ZDHHC5: variants seen among roughly 807,000 people sequenced by gnomAD.
ZDHHC5 encodes the protein palmitoyltransferase ZDHHC5.
ZDHHC5 carries 22 observed loss-of-function variants against 70.0 expected under a neutral mutation model. The ratio of observed to expected loss-of-function variants is 0.31; its 90% CI spans 0.22 to 0.45. ZDHHC5 has a LOEUF of 0.45. ZDHHC5 is among the 20% of genes least tolerant of loss of function. ZDHHC5 has a pLI of 1.00. For synonymous variants in ZDHHC5, 313 were observed against 347.8 expected (o/e 0.90, Z 1.11); for missense variants, 746 against 926.9 (o/e 0.80, Z 2.53).
At chr11:57,683,089 G>A (rs1946167899) in intron 3 of ZDHHC5, among the ~76,000 whole-genome samples, 1 of 152,190 alleles carries the variant, frequency 6.6e-6, no homozygotes, top group African/African-American at 2.4e-5. Context: ...TTAGGCAGAG[G>A]AAACAGCACA....
chr11:57,699,322 C>G lies in ZDHHC5; in HGVS notation c.1886C>G (p.Pro629Arg), dbSNP rs954582935. ...VGSPEPGPTA[P>R]YLGRSMSYSS... Reference sequence around the variant, plus strand: ...TCCCCTGAACCAGGCCCAACAGCCCCATACCTGGGCCGATCGATGTCTTAC... The same window carrying G: ...TCCCCTGAACCAGGCCCAACAGCCCGATACCTGGGCCGATCGATGTCTTAC... Residue 629 changes from proline (P) to arginine (R), a missense_variant, in exon 11 of 12, where the codon CCA (proline) becomes CGA (arginine). Transcript: ENST00000287169. 1 of 1,613,616 alleles carries G rather than the reference C, an allele frequency of 6.2e-7. No homozygotes were observed. The highest frequency in any genetic ancestry group is 8.5e-7 in the Non-Finnish European group (1 of 1,179,600).
At position 57,682,508 on chromosome 11, in the gene ZDHHC5, T is replaced by G. The variant is rs1946161559; in HGVS notation, c.191T>G (p.Met64Arg). The change falls in exon 3 of 12, where the codon ATG becomes AGG. Residue 64 changes from methionine (M) to arginine (R), a missense_variant. Met to Arg is a moderately conservative substitution (Grantham distance 91). Coordinates refer to ENST00000287169, the MANE Select transcript of ZDHHC5 (RefSeq NM_015457.3). The stretch of plus-strand genomic sequence containing the variant: ...CTCTTTGTGTTGGCCAACTTCAGCA[T>G]GGCCACCTTCATGGACCCAGGGATT... ...MFLFVLANFS[M>R]ATFMDPGIFP... 6.2e-7 allele frequency: 1 copy of G among 1,614,054 alleles called. No homozygotes were observed. The highest frequency in any genetic ancestry group is 1.3e-5 in the African/African-American group (1 of 74,944).
intron 2 of ZDHHC5, among the ~76,000 whole-genome samples, chr11:57,678,739 C>G (rs1946107869): frequency 6.6e-6 from 1 of 151,962 alleles, no homozygotes; most frequent in Admixed American, 6.6e-5. Context: ...GTCAGCTGGT[C>G]ATGGTGGCAT....
chr11:57,689,946 A>T, intron 4 of ZDHHC5, 85 bp from the exon 5 acceptor site: 1 of 1,462,768 alleles, frequency 6.8e-7, no homozygotes, highest in Non-Finnish European at 9.3e-7. Context: ...ATCAAAACTT[A>T]GCTGCCATTT....
In ZDHHC5 at chr11:57,699,065, T is replaced by C; in HGVS notation, c.1629T>C (p.Ser543=). The change falls in exon 11 of 12, where the codon TCT becomes TCC. Residue 543 remains serine (S), a synonymous_variant. Transcript: ENST00000287169. ...ATCTGTCGCGCCACATTGTGGCCTC[T>C]CTCCAGGAACGAGAGAAGTTGCTGC... is the stretch of plus-strand genomic sequence containing the variant. ...YDNLSRHIVA[S]LQEREKLLRQ... 2 of 1,613,058 alleles carry C rather than the reference T, an allele frequency of 1.2e-6. No homozygotes were observed. Among genetic ancestry groups the C allele is most frequent in the African/African-American group, 2.7e-5 (2 of 74,836 alleles).
At chr11:57,673,241 G>A in intron 2 of ZDHHC5, 47 bp downstream of exon 2, 1 of 1,578,384 alleles carries the variant, frequency 6.3e-7, no homozygotes, top group Non-Finnish European at 8.7e-7. Flanking sequence ...GATACTCCAT[G>A]GGAAGTGAGG....
At position 57,699,414 on chromosome 11, in the gene ZDHHC5, C is replaced by T; in HGVS notation, c.1978C>T (p.Pro660Ser). The part of the protein sequence containing the change: ...EEVALQPLLT[P>S]KDEVQLKTTY... ...AGTGGCCTTGCAGCCATTACTGACA[C>T]CCAAGTAAGTATTAGTACTATCCTG... Residue 660 changes from proline (P) to serine (S), a missense_variant, in exon 11 of 12, where the codon CCC (proline) becomes TCC (serine). Pro to Ser is a moderately conservative substitution (Grantham distance 74). Around this residue, in one of 6 missense-constraint regions of ZDHHC5, gnomAD observed 340 missense variants for 350.1 expected, o/e 0.97. Coordinates refer to ENST00000287169, the MANE Select transcript of ZDHHC5 (RefSeq NM_015457.3). 1.3e-6 allele frequency: 2 copies of T among 1,567,502 alleles called. No individual in the cohort carries two copies. Among genetic ancestry groups the T allele is most frequent in the South Asian group, 2.4e-5 (2 of 83,412 alleles).
intron 10 of ZDHHC5, 127 bp downstream of exon 10, chr11:57,697,000 T>G (rs1946361530): frequency 1.1e-6 from 1 of 932,574 alleles, no homozygotes; most frequent in Admixed American, 2.2e-5. Context: ...ATTGAGACCG[T>G]CCTGGCCAAC....
chr11:57,668,970 T>G (rs1945964380), intron 1 of ZDHHC5, among the ~76,000 whole-genome samples: 1 of 152,196 alleles, frequency 6.6e-6, no homozygotes, highest in Non-Finnish European at 1.5e-5. Context: ...CTAGACTATT[T>G]TTTGCCTTGG....
At chr11:57,668,787 A>G (rs1249444962) in intron 1 of ZDHHC5, among the ~76,000 whole-genome samples, 2 of 152,180 alleles carry the variant, frequency 1.3e-5, no homozygotes, top group Non-Finnish European at 2.9e-5. Context: ...TGCGTTTAGT[A>G]CTTTGTACTT....
At chr11:57,693,399 C>T (rs1042529525) in intron 7 of ZDHHC5, among the ~76,000 whole-genome samples, 1 of 152,188 alleles carries the variant, frequency 6.6e-6, no homozygotes, top group Non-Finnish European at 1.5e-5. Flanking sequence ...CCACTGCTTA[C>T]CTCCTGCTAT....
chr11:57,674,346 C>A (rs1946045154), intron 2 of ZDHHC5, among the ~76,000 whole-genome samples: 1 of 148,696 alleles, frequency 6.7e-6, no homozygotes, highest in Middle Eastern at 3.4e-3. Flanking sequence ...AAGCTCTTGA[C>A]CATCTGGAAG....
chr11:57,671,412 A>G (rs1946004847), intron 1 of ZDHHC5, among the ~76,000 whole-genome samples: 2 of 152,218 alleles, frequency 1.3e-5, no homozygotes, highest in South Asian at 4.1e-4. Flanking sequence ...AACCAACCCT[A>G]TGCTATGCTT....
chr11:57,689,144 G>T (rs1414243578), intron 4 of ZDHHC5, among the ~76,000 whole-genome samples: 2 of 152,128 alleles, frequency 1.3e-5, no homozygotes, highest in African/African-American at 4.8e-5. Context: ...AAATCATGCT[G>T]TTGTGTTTCA....
chr11:57,695,482 C>T (rs1946338868), intron 8 of ZDHHC5, among the ~76,000 whole-genome samples: 1 of 151,964 alleles, frequency 6.6e-6, no homozygotes, highest in Non-Finnish European at 1.5e-5. Context: ...TGTGCCTTGT[C>T]TTCCAGTATA....
At chr11:57,684,576 A>G (rs1371905929) in intron 3 of ZDHHC5, among the ~76,000 whole-genome samples, 1 of 152,120 alleles carries the variant, frequency 6.6e-6, no homozygotes, top group Non-Finnish European at 1.5e-5. Flanking sequence ...CAGAGGAGAG[A>G]AGCTGAGGTT....
At chr11:57,686,744 ATATC>A (rs1946212286) in intron 3 of ZDHHC5, among the ~76,000 whole-genome samples, 1 of 152,194 alleles carries the variant, frequency 6.6e-6, no homozygotes, top group Non-Finnish European at 1.5e-5. Flanking sequence ...ATTGTGGTAT[ATATC>A]CTTGCAATAT....
intron 3 of ZDHHC5, among the ~76,000 whole-genome samples, chr11:57,688,286 C>G (rs147771208): frequency 2.0e-5 from 3 of 152,186 alleles, no homozygotes; most frequent in Non-Finnish European, 4.4e-5. Flanking sequence ...CATTTTATCT[C>G]GAACCTCACT....
rs1298089751 is a variant in ZDHHC5 at position 57,699,260 on chromosome 11, T to G, written c.1824T>G (p.Phe608Leu). ...TPLGRPAVPR[F>L]GKPDGLRGRG... The stretch of plus-strand genomic sequence containing the variant: ...TGGGACGCCCAGCTGTCCCCCGTTT[T>G]GGCAAGCCAGATGGGCTAAGGGGCC... The change falls in exon 11 of 12, where the codon TTT (phenylalanine) becomes TTG (leucine). Residue 608 changes from phenylalanine to leucine, a missense_variant. Coordinates refer to ENST00000287169, the MANE Select transcript of ZDHHC5 (RefSeq NM_015457.3). 2 of 1,614,106 alleles carry G rather than the reference T, an allele frequency of 1.2e-6. No individual in the cohort carries two copies. Among genetic ancestry groups the G allele is most frequent in the Non-Finnish European group, 1.7e-6 (2 of 1,180,056 alleles).
Sources: gnomAD v4.1 joint callset for allele counts (sites outside exome capture counted in the v4.1 genomes callset) on GRCh38, gnomAD v4.1.1 for gene constraint, gnomAD v4.1.1 regional missense constraint, MANE v1.5 for transcripts, NCBI Gene and HGNC (gene_info 2026-07-23, HGNC 2026-07-21) for gene names.